The following HDAC9 variants were observed in gnomAD, a reference collection of about 807,000 sequenced individuals.
The protein encoded by HDAC9 is histone deacetylase 9.
In HDAC9, 41 loss-of-function variants were observed where a neutral mutation model predicts 139.4. That is an observed-to-expected ratio of 0.29 (90% confidence interval 0.23 to 0.38). HDAC9 has a LOEUF of 0.38. Ranked by LOEUF, HDAC9 falls within the 10% of genes least tolerant of loss-of-function variation. The pLI, the probability that HDAC9 is intolerant of heterozygous loss-of-function variation, is 1.00. For synonymous variants in HDAC9, 517 were observed against 476.2 expected (o/e 1.09, Z -1.12); for missense variants, 1,147 against 1,297.0 (o/e 0.88, Z 1.78).
intron 15 of HDAC9, 38 bp downstream of exon 15, chr7:18,762,315 T>G (rs577645474): frequency 1.2e-6 from 2 of 1,605,860 alleles, no homozygotes; most frequent in Non-Finnish European, 1.7e-6. Context: ...AACAGCACAT[T>G]CCAGCACTAT....
chr7:18,578,513 T>G (rs1826753041), intron 2 of HDAC9, among the ~76,000 whole-genome samples: 1 of 152,178 alleles, frequency 6.6e-6, no homozygotes, highest in Admixed American at 6.5e-5. Context: ...CTCATCATCA[T>G]ATTTCAGGAT....
At chr7:18,346,514 T>C (rs1190805601) in intron 1 of HDAC9, among the ~76,000 whole-genome samples, 5 of 152,182 alleles carry the variant, frequency 3.3e-5, no homozygotes, top group Non-Finnish European at 7.4e-5. Context: ...AAGATATATG[T>C]GAATATTTTC....
chr7:18,502,694 T>C (rs1798711226), intron 2 of HDAC9: 1 of 152,170 alleles, frequency 6.6e-6, no homozygotes, highest in African/African-American at 2.4e-5. Context: ...TTGAATAGAT[T>C]GCCTTTCTTA....
At chr7:18,257,574 A>G (rs1222190799) in intron 2 of HDAC9, among the ~76,000 whole-genome samples, 1 of 152,174 alleles carries the variant, frequency 6.6e-6, no homozygotes, top group South Asian at 2.1e-4. Context: ...CACACAAAAG[A>G]GTGAACGGTA....
chr7:18,207,355 A>G (rs559842617), intron 2 of HDAC9, among the ~76,000 whole-genome samples: 100 of 152,202 alleles, frequency 6.6e-4, no homozygotes, highest in African/African-American at 2.3e-3. Context: ...ACTGGAAACA[A>G]GAAAATAAAT....
intron 12 of HDAC9, among the ~76,000 whole-genome samples, chr7:18,699,507 A>C (rs1783305853): frequency 6.6e-6 from 1 of 152,198 alleles, no homozygotes; most frequent in Non-Finnish European, 1.5e-5. Context: ...TAAGAAGTAT[A>C]AAATCAGTAC....
At chr7:18,713,003 T>C (rs1784452558) in intron 12 of HDAC9, among the ~76,000 whole-genome samples, 1 of 152,208 alleles carries the variant, frequency 6.6e-6, no homozygotes, top group Non-Finnish European at 1.5e-5. Context: ...TTAAGCCTTG[T>C]CTAATCATAT....
chr7:18,151,671 A>C (rs1489160843), intron 1 of HDAC9: 1 of 152,200 alleles, frequency 6.6e-6, no homozygotes, highest in Non-Finnish European at 1.5e-5. Flanking sequence ...GTGTATAAAT[A>C]ACTGATGGCA....
intron 2 of HDAC9, among the ~76,000 whole-genome samples, chr7:18,263,621 T>TC (rs980597004): frequency 2.0e-5 from 3 of 151,480 alleles, no homozygotes; most frequent in African/African-American, 7.3e-5. Flanking sequence ...GACTTTTTTT[T>TC]TTTTTGAGAC....
intron 21 of HDAC9, among the ~76,000 whole-genome samples, chr7:18,842,647 GC>G (rs1366419375): frequency 6.6e-6 from 1 of 152,002 alleles, no homozygotes; most frequent in African/African-American, 2.4e-5. Context: ...AGCTCTATCT[GC>G]TTTTCAGCTT....
chr7:18,564,822 T>C (rs1167613237), intron 2 of HDAC9, among the ~76,000 whole-genome samples: 1 of 152,120 alleles, frequency 6.6e-6, no homozygotes, highest in African/African-American at 2.4e-5. Context: ...CTTTAGAATG[T>C]TATTTTAAGC....
At chr7:18,182,465 A>G (rs1265336097) in intron 2 of HDAC9, among the ~76,000 whole-genome samples, 8 of 152,236 alleles carry the variant, frequency 5.3e-5, no homozygotes, top group Admixed American at 5.2e-4. Flanking sequence ...AGTGGGAGGT[A>G]ACAAAGGTAA....
intron 2 of HDAC9, among the ~76,000 whole-genome samples, chr7:18,523,759 C>G (rs1805849288): frequency 6.6e-6 from 1 of 151,936 alleles, no homozygotes; most frequent in Non-Finnish European, 1.5e-5. Flanking sequence ...GAAAGGTGCA[C>G]CATCACATAG....
At chr7:18,990,503 T>G (rs192161113) in intron 25 of HDAC9, among the ~76,000 whole-genome samples, 3,178 of 152,324 alleles carry the variant, frequency 0.021, 107 homozygotes, top group African/African-American at 0.073. Context: ...GTCTTTTTGT[T>G]TGTCTGTGCC....
intron 2 of HDAC9, among the ~76,000 whole-genome samples, chr7:18,253,827 G>A (rs1001936508): frequency 1.3e-5 from 2 of 152,212 alleles, no homozygotes; most frequent in African/African-American, 4.8e-5. Flanking sequence ...GGAGGAAGAA[G>A]TGTGGAGGAT....
At chr7:18,566,723 A>G (rs1822485337) in intron 2 of HDAC9, among the ~76,000 whole-genome samples, 1 of 152,232 alleles carries the variant, frequency 6.6e-6, no homozygotes, top group South Asian at 2.1e-4. Context: ...ATTGGGCATT[A>G]GCAAGCAATT....
chr7:18,798,198 G>A (rs1022019365), intron 17 of HDAC9, among the ~76,000 whole-genome samples: 7 of 152,108 alleles, frequency 4.6e-5, no homozygotes, highest in Non-Finnish European at 8.8e-5. Context: ...TAAATTTCAG[G>A]AGGTAATGCC....
chr7:18,088,168 A>G (rs992583362), intron 1 of HDAC9: 1 of 152,212 alleles, frequency 6.6e-6, no homozygotes, highest in Admixed American at 6.5e-5. Context: ...AAGAAATGAG[A>G]TATCTACATA....
intron 3 of HDAC9, among the ~76,000 whole-genome samples, chr7:18,588,216 T>C (rs1829985684): frequency 6.6e-6 from 1 of 152,218 alleles, no homozygotes; most frequent in Non-Finnish European, 1.5e-5. Flanking sequence ...GCTTTTTATT[T>C]TTGTTCTATT....
Sources: gnomAD v4.1 joint callset for allele counts (sites outside exome capture counted in the v4.1 genomes callset) on GRCh38, gnomAD v4.1.1 for gene constraint, MANE v1.5 for transcripts, NCBI Gene and HGNC (gene_info 2026-07-23, HGNC 2026-07-21) for gene names.